ARB2A: variants seen among roughly 807,000 people sequenced by gnomAD.
ARB2A encodes the protein cotranscriptional regulator ARB2A.
the ARB2A span, among the ~76,000 whole-genome samples, chr5:93,866,875 C>A: frequency 6.6e-5 from 10 of 152,238 alleles, no homozygotes; most frequent in East Asian, 1.9e-3. Context: ...CTTTTGGAAA[C>A]CTATTCTGGT....
chr5:93,673,578 C>T, the ARB2A span, among the ~76,000 whole-genome samples: 46 of 152,298 alleles, frequency 3.0e-4, no homozygotes, highest in Non-Finnish European at 6.0e-4. Flanking sequence ...TAAATGCCCA[C>T]AAACAGCCCA....
chr5:93,870,177 G>A, the ARB2A span, among the ~76,000 whole-genome samples: 1 of 152,192 alleles, frequency 6.6e-6, no homozygotes. Flanking sequence ...TCCACCTGCT[G>A]GGTCACTATG....
the ARB2A span, chr5:93,739,918 C>T: frequency 6.7e-6 from 1 of 148,510 alleles, no homozygotes; most frequent in Non-Finnish European, 1.5e-5. Flanking sequence ...GACATAGTCC[C>T]ATGGGACTAC....
the ARB2A span, among the ~76,000 whole-genome samples, chr5:93,710,605 G>A: frequency 2.0e-5 from 3 of 152,100 alleles, no homozygotes; most frequent in East Asian, 3.9e-4. Context: ...TATTTAAAGG[G>A]TAACTAGAAT....
the ARB2A span, among the ~76,000 whole-genome samples, chr5:93,954,702 A>AAGCAC: frequency 4.6e-5 from 7 of 151,806 alleles, no homozygotes; most frequent in Non-Finnish European, 8.8e-5. Context: ...ACAGCACAGC[A>AAGCAC]AGCACAGCAC....
chr5:93,973,240 G>A, the ARB2A span, among the ~76,000 whole-genome samples: 3 of 151,774 alleles, frequency 2.0e-5, no homozygotes, highest in East Asian at 2.0e-4. Context: ...AGTTCTAGGC[G>A]TGAGCCACTG....
At chr5:93,620,286 T>C in the ARB2A span, 3 of 152,172 alleles carry the variant, frequency 2.0e-5, no homozygotes, top group Admixed American at 1.3e-4. Flanking sequence ...CACAATTAGC[T>C]GGCAAAAGGA....
chr5:94,056,006 G>C, the ARB2A span: 3 of 736,508 alleles, frequency 4.1e-6, no homozygotes, highest in Non-Finnish European at 5.0e-6. Context: ...ATAGTAACAA[G>C]TATTATCATA....
At chr5:93,911,182 T>G in the ARB2A span, among the ~76,000 whole-genome samples, 1,795 of 151,672 alleles carry the variant, frequency 0.012, 38 homozygotes, top group African/African-American at 0.041. Flanking sequence ...CTGAAAAAAT[T>G]CAAAGTAGAA....
At chr5:93,657,291 T>G in the ARB2A span, among the ~76,000 whole-genome samples, 1 of 152,118 alleles carries the variant, frequency 6.6e-6, no homozygotes. Flanking sequence ...GCAGTTACTG[T>G]TGGTAAGATA....
the ARB2A span, among the ~76,000 whole-genome samples, chr5:93,630,333 G>C: frequency 0.014 from 2,156 of 152,220 alleles, 19 homozygotes; most frequent in Non-Finnish European, 0.02. Context: ...GTGCAGCTCA[G>C]AAAACATGTT....
the ARB2A span, chr5:94,056,058 G>T: frequency 5.0e-6 from 2 of 398,238 alleles, no homozygotes; most frequent in Non-Finnish European, 6.8e-6. Flanking sequence ...AGGTAAAATG[G>T]CTTGTCCAAA....
chr5:93,844,048 T>G, the ARB2A span, among the ~76,000 whole-genome samples: 1 of 138,912 alleles, frequency 7.2e-6, no homozygotes, highest in South Asian at 2.2e-4. Flanking sequence ...GAAAGAAAAA[T>G]AAAATTTTAG....
At chr5:93,651,151 T>C in the ARB2A span, among the ~76,000 whole-genome samples, 5 of 152,116 alleles carry the variant, frequency 3.3e-5, no homozygotes, top group Admixed American at 3.3e-4. Flanking sequence ...TTTTTTTTTT[T>C]TTGAGACAGG....
the ARB2A span, among the ~76,000 whole-genome samples, chr5:93,753,833 AC>A: frequency 1.3e-5 from 2 of 152,174 alleles, no homozygotes; most frequent in East Asian, 3.9e-4. Flanking sequence ...AGGCGTTTAG[AC>A]AACATAATTT....
chr5:93,796,347 C>T, the ARB2A span, among the ~76,000 whole-genome samples: 1 of 152,130 alleles, frequency 6.6e-6, no homozygotes, highest in South Asian at 2.1e-4. Context: ...GTTTATGAAG[C>T]TGAAATGGTA....
the ARB2A span, among the ~76,000 whole-genome samples, chr5:93,990,447 T>C: frequency 6.6e-6 from 1 of 152,016 alleles, no homozygotes; most frequent in South Asian, 2.1e-4. Context: ...AAAGTCTTTG[T>C]TGAGCTAGAA....
At chr5:93,881,669 A>G in the ARB2A span, 3 of 1,575,378 alleles carry the variant, frequency 1.9e-6, no homozygotes, top group Admixed American at 3.7e-5. Flanking sequence ...GGGATTTAGT[A>G]CTATTACTCC....
chr5:93,706,596 G>C, the ARB2A span, among the ~76,000 whole-genome samples: 1 of 152,152 alleles, frequency 6.6e-6, no homozygotes, highest in East Asian at 1.9e-4. Context: ...GGCCGGGCAC[G>C]GTGGCTCACG....
Sources: gnomAD v4.1 joint callset for allele counts (sites outside exome capture counted in the v4.1 genomes callset) on GRCh38, gnomAD v4.1.1 for gene constraint, MANE v1.5 for transcripts, NCBI Gene and HGNC (gene_info 2026-07-23, HGNC 2026-07-21) for gene names.